Variants in DIPK1A observed in about 807,000 individuals in gnomAD.
DIPK1A encodes the protein divergent protein kinase domain 1A.
DIPK1A carries 27 observed loss-of-function variants against 40.8 expected under a neutral mutation model. The ratio of observed to expected loss-of-function variants is 0.66; its 90% CI spans 0.49 to 0.91. The LOEUF is 0.91. Among genes scored for constraint, DIPK1A ranks in the 40% least tolerant of loss-of-function variants. DIPK1A has a pLI of 0.00. For missense variants in DIPK1A, 412 were observed against 505.7 expected (o/e 0.81, Z 1.78); for synonymous variants, 166 against 171.3 (o/e 0.97, Z 0.24).
chr1:92,843,378 A>G lies in DIPK1A; in HGVS notation c.*5T>C. On this transcript the variant is annotated 3_prime_UTR_variant, in exon 5 of 5. Transcript: ENST00000370310. ...TTCTTAAAATGGTAATTATGTCCAA[A>G]TGAACTAAGAGTCATTAGTGTAGGA... The G allele has an allele frequency of 6.7e-7, 1 of 1,496,354 alleles. No individual in the cohort carries two copies. Among genetic ancestry groups the G allele is most frequent in the South Asian group, 1.3e-5 (1 of 75,706 alleles). The allele number at this position is 1,496,354 out of a possible 1,614,324, so 92.7% of individuals were successfully genotyped here.
intron 1 of DIPK1A, among the ~76,000 whole-genome samples, chr1:92,957,085 G>A (rs952975748): frequency 2.4e-4 from 36 of 152,204 alleles, no homozygotes; most frequent in African/African-American, 8.2e-4. Context: ...AGGACTTAAC[G>A]ATGGTGAGAA....
intron 1 of DIPK1A, among the ~76,000 whole-genome samples, chr1:92,955,021 T>C (rs1031561855): frequency 6.6e-6 from 1 of 152,162 alleles, no homozygotes; most frequent in Non-Finnish European, 1.5e-5. Flanking sequence ...AATGAGCTAT[T>C]AAGCCATGAA....
intron 1 of DIPK1A, among the ~76,000 whole-genome samples, chr1:92,901,883 C>T (rs1649428634): frequency 6.6e-6 from 1 of 152,038 alleles, no homozygotes; most frequent in Non-Finnish European, 1.5e-5. Flanking sequence ...AGTTGTCTGG[C>T]TTATAAGGTG....
rs149693099 is a variant in DIPK1A, at chr1:92,956,568, G to A, written c.54+4808C>T. ...TAGATTTAAAATAATCCTGGAGACT[G>A]AAAATGGGCAAAAAGCCCATTTTTA... is the stretch of plus-strand genomic sequence containing the variant. On this transcript the variant is annotated intron_variant, in intron 1 of 4. Coordinates refer to ENST00000370310, the MANE Select transcript of DIPK1A (RefSeq NM_001006605.5). Among the ~76,000 whole-genome samples, 85 of 152,206 alleles carry A rather than the reference G, an allele frequency of 5.6e-4. 1 individual carries two copies. The highest frequency in any genetic ancestry group is 2.0e-3 in the African/African-American group (81 of 41,526).
At chr1:92,892,927 T>A (rs554408695) in intron 1 of DIPK1A, among the ~76,000 whole-genome samples, 4 of 151,924 alleles carry the variant, frequency 2.6e-5, no homozygotes, top group Non-Finnish European at 5.9e-5. Context: ...ATGAATGAAA[T>A]GAAGCCAGGA....
chr1:92,853,705 C>T (rs1687895112), intron 2 of DIPK1A, among the ~76,000 whole-genome samples: 3 of 152,204 alleles, frequency 2.0e-5, no homozygotes, highest in South Asian at 4.2e-4. Context: ...TCAGTAGGCA[C>T]CAAATGTTTT....
intron 4 of DIPK1A, chr1:92,834,958 C>T (rs1481901033): frequency 6.3e-7 from 1 of 1,599,404 alleles, no homozygotes; most frequent in African/African-American, 1.3e-5. Flanking sequence ...TGGCTGATTG[C>T]TTGGAGAGTT....
At chr1:92,865,761 C>T (rs904393775) in intron 2 of DIPK1A, among the ~76,000 whole-genome samples, 1 of 152,314 alleles carries the variant, frequency 6.6e-6, no homozygotes, top group East Asian at 1.9e-4. Context: ...TAGCATTACC[C>T]TAAATCTTTT....
intron 2 of DIPK1A, among the ~76,000 whole-genome samples, chr1:92,861,634 A>G (rs1261158185): frequency 6.6e-6 from 1 of 151,888 alleles, no homozygotes; most frequent in Non-Finnish European, 1.5e-5. Context: ...GCCAATACTC[A>G]TAACAGTTTT....
chr1:92,842,330 C>A lies in DIPK1A; in HGVS notation c.*1053G>T, dbSNP rs1687400344. ...CATGTTCCACTTTAGGTAGGCGAAA[C>A]CTTTGAGCAGAAAATAGTGGTTCTT... On this transcript the variant is annotated 3_prime_UTR_variant, in exon 5 of 5. Coordinates refer to ENST00000370310, the MANE Select transcript of DIPK1A (RefSeq NM_001006605.5). 3 of 985,848 alleles carry A rather than the reference C, an allele frequency of 3.0e-6. No individual in the cohort carries two copies. In the South Asian group the frequency reaches 1.4e-4, roughly 46 times the overall value. 61.1% of individuals were successfully genotyped at this position (985,848 alleles called of 1,614,324 possible).
intron 2 of DIPK1A, among the ~76,000 whole-genome samples, chr1:92,870,664 C>T (rs1647799064): frequency 1.3e-5 from 2 of 152,228 alleles, no homozygotes; most frequent in Admixed American, 6.5e-5. Flanking sequence ...CCACCCAAAT[C>T]TCCTTCTCCA....
intron 1 of DIPK1A, among the ~76,000 whole-genome samples, chr1:92,883,744 A>T (rs1489177388): frequency 1.3e-5 from 2 of 152,190 alleles, no homozygotes; most frequent in African/African-American, 4.8e-5. Context: ...AGGCTGCATC[A>T]TTTCTGTAGA....
chr1:92,891,669 G>A (rs2100802814), intron 1 of DIPK1A, among the ~76,000 whole-genome samples: 1 of 152,310 alleles, frequency 6.6e-6, no homozygotes, highest in African/African-American at 2.4e-5. Context: ...GTGCAGGACA[G>A]TGGGTGCAGT....
At chr1:92,834,069 C>T (rs1687021774) in intron 4 of DIPK1A, 1 of 264,640 alleles carries the variant, frequency 3.8e-6, no homozygotes, top group Admixed American at 5.1e-5. Context: ...GCCCTCCAAC[C>T]TAGGTGACAG....
intron 1 of DIPK1A, among the ~76,000 whole-genome samples, chr1:92,937,015 C>T (rs911934552): frequency 1.3e-5 from 2 of 152,194 alleles, no homozygotes; most frequent in African/African-American, 2.4e-5. Context: ...CAAGAGTTTA[C>T]AATTGAATAG....
chr1:92,901,559 T>G (rs945255489), intron 1 of DIPK1A, among the ~76,000 whole-genome samples: 3 of 151,826 alleles, frequency 2.0e-5, no homozygotes, highest in African/African-American at 7.3e-5. Flanking sequence ...CTTTGGAGAT[T>G]TGGGGTTCAG....
At chr1:92,924,268 A>G (rs972732719) in intron 1 of DIPK1A, among the ~76,000 whole-genome samples, 1 of 152,078 alleles carries the variant, frequency 6.6e-6, no homozygotes, top group Non-Finnish European at 1.5e-5. Flanking sequence ...TACTATATAA[A>G]TAATCTGAGA....
rs538200529 is a variant in DIPK1A, at chr1:92,941,169, T to C, written c.54+20207A>G. 3.9e-5 allele frequency among the ~76,000 whole-genome samples: 6 copies of C among 152,354 alleles called. No individual in the cohort carries two copies. In the East Asian group the frequency reaches 9.6e-4, roughly 24 times the overall value. On this transcript the variant is annotated intron_variant, in intron 1 of 4. Transcript: ENST00000370310. ...TTTATGAACCATGCTTTTGGTGTCATCTAAGAACGTGCAGTAACTATTATT... is the reference window on the plus strand; with the variant it reads ...TTTATGAACCATGCTTTTGGTGTCACCTAAGAACGTGCAGTAACTATTATT...
At chr1:92,906,809 C>T (rs1649643409) in intron 1 of DIPK1A, among the ~76,000 whole-genome samples, 1 of 152,082 alleles carries the variant, frequency 6.6e-6, no homozygotes, top group Non-Finnish European at 1.5e-5. Flanking sequence ...AACCAGCCTA[C>T]CTGTAAATGA....
Sources: allele counts gnomAD v4.1 joint callset (sites outside exome capture counted in the v4.1 genomes callset), GRCh38; gene constraint gnomAD v4.1.1; transcripts MANE v1.5; gene names NCBI Gene and HGNC (gene_info 2026-07-23, HGNC 2026-07-21).